GRIN2B: variants seen among roughly 807,000 people sequenced by gnomAD.
GRIN2B encodes the protein glutamate ionotropic receptor NMDA type subunit 2B.
In GRIN2B, 5 loss-of-function variants were observed where a neutral mutation model predicts 114.5. That is an observed-to-expected ratio of 0.04 (90% confidence interval 0.02 to 0.09). The LOEUF (loss-of-function observed/expected upper bound fraction) is 0.09. Among genes scored for constraint, GRIN2B ranks in the 10% least tolerant of loss-of-function variants. GRIN2B has a pLI of 1.00. For missense variants in GRIN2B, 1,108 were observed against 1,943.5 expected (o/e 0.57, Z 8.08); for synonymous variants, 787 against 745.1 (o/e 1.06, Z -0.92).
chr12:13,941,886 G>T (rs971648416), intron 2 of GRIN2B, among the ~76,000 whole-genome samples: 1 of 152,200 alleles, frequency 6.6e-6, no homozygotes, highest in African/African-American at 2.4e-5. Context: ...GCTGGCTCCC[G>T]CAGCGCAGTG....
intron 3 of GRIN2B, among the ~76,000 whole-genome samples, chr12:13,809,759 A>G (rs1864691452): frequency 6.6e-6 from 1 of 152,232 alleles, no homozygotes; most frequent in African/African-American, 2.4e-5. Context: ...GGATAAACCT[A>G]TCTGAATTGG....
intron 4 of GRIN2B, among the ~76,000 whole-genome samples, chr12:13,679,651 T>C (rs529625661): frequency 6.6e-6 from 1 of 152,320 alleles, no homozygotes; most frequent in African/African-American, 2.4e-5. Flanking sequence ...CACACTGTGT[T>C]TTCATGAGTA....
At chr12:13,710,478 C>T (rs1386771979) in intron 4 of GRIN2B, among the ~76,000 whole-genome samples, 1 of 152,092 alleles carries the variant, frequency 6.6e-6, no homozygotes, top group African/African-American at 2.4e-5. Context: ...GTCTAGAAAA[C>T]CCCATCGTCT....
At chr12:13,692,154 C>T (rs891527492) in intron 4 of GRIN2B, among the ~76,000 whole-genome samples, 1 of 152,082 alleles carries the variant, frequency 6.6e-6, no homozygotes, top group African/African-American at 2.4e-5. Context: ...CAGCAACTTG[C>T]ACAGAAGGAA....
At chr12:13,575,307 C>T (rs554261069) in intron 10 of GRIN2B, among the ~76,000 whole-genome samples, 24 of 152,270 alleles carry the variant, frequency 1.6e-4, no homozygotes, top group African/African-American at 5.1e-4. Context: ...GCTATTAAAA[C>T]ACTAAAGGAA....
chr12:13,825,241 G>A (rs1429617489), intron 3 of GRIN2B, among the ~76,000 whole-genome samples: 1 of 151,562 alleles, frequency 6.6e-6, no homozygotes, highest in African/African-American at 2.4e-5. Context: ...TCTAGCTATA[G>A]TTCTCTTTAA....
At chr12:13,815,984 A>C (rs1864815928) in intron 3 of GRIN2B, among the ~76,000 whole-genome samples, 1 of 152,186 alleles carries the variant, frequency 6.6e-6, no homozygotes, top group African/African-American at 2.4e-5. Flanking sequence ...CACTCCCTGC[A>C]GTTCCTCAGG....
chr12:13,840,458 T>A (rs1380785285), intron 3 of GRIN2B, among the ~76,000 whole-genome samples: 1 of 152,160 alleles, frequency 6.6e-6, no homozygotes, highest in Non-Finnish European at 1.5e-5. Context: ...TGGCTGCCCC[T>A]CTTACCTGCT....
At chr12:13,946,964 T>C (rs564081413) in intron 2 of GRIN2B, among the ~76,000 whole-genome samples, 9 of 152,224 alleles carry the variant, frequency 5.9e-5, no homozygotes, top group Middle Eastern at 6.8e-3. Flanking sequence ...ATAGTAAAAT[T>C]TGGGTAAGTG....
intron 2 of GRIN2B, among the ~76,000 whole-genome samples, chr12:13,902,794 G>A (rs896828014): frequency 2.0e-5 from 3 of 152,104 alleles, no homozygotes; most frequent in East Asian, 1.9e-4. Flanking sequence ...TGGGCCACAA[G>A]AGCAAGACTC....
rs150969694 is a variant in GRIN2B, at chr12:13,547,077, G to T, written c.*15706C>A. ...GAAAACCATGAAAAATTACTGTCAA[G>T]GGTTTCTTTTAACAGTCTGATAGTT... On this transcript the variant is annotated 3_prime_UTR_variant, in exon 14 of 14. Coordinates refer to ENST00000609686, the MANE Select transcript of GRIN2B (RefSeq NM_000834.5). The T allele has an allele frequency of 1.3e-5, 2 of 152,098 alleles. No homozygotes were observed. The highest frequency in any genetic ancestry group is 4.8e-5 in the African/African-American group (2 of 41,408). The allele number at this position is 152,098 out of a possible 1,614,324, so 9.4% of individuals were successfully genotyped here.
At chr12:13,722,035 T>C (rs951093695) in intron 4 of GRIN2B, among the ~76,000 whole-genome samples, 1 of 152,134 alleles carries the variant, frequency 6.6e-6, no homozygotes, top group African/African-American at 2.4e-5. Context: ...AGACTGACTA[T>C]TGGATTTGGT....
intron 4 of GRIN2B, among the ~76,000 whole-genome samples, chr12:13,712,041 T>G (rs1591690436): frequency 6.6e-6 from 1 of 152,128 alleles, no homozygotes; most frequent in East Asian, 1.9e-4. Context: ...TGGCATACTA[T>G]GCAGCCATAA....
rs540526529 is a variant in GRIN2B, at chr12:13,772,023, A to T, written c.412-18108T>A. 3.9e-5 allele frequency among the ~76,000 whole-genome samples: 6 copies of T among 152,362 alleles called. No homozygotes were observed. The East Asian group carries it at 1.2e-3, about 29-fold the overall frequency. The stretch of plus-strand genomic sequence containing the variant: ...TCATTCACTCAGCTGGATGATTGCT[A>T]TGATTCCTGGCCCAAGAGAAATATC... On this transcript the variant is annotated intron_variant, in intron 3 of 13. Transcript: ENST00000609686.
At position 13,558,383 on chromosome 12, in the gene GRIN2B, T is replaced by C. The variant is rs531953292; in HGVS notation, c.*4400A>G. On this transcript the variant is annotated 3_prime_UTR_variant, in exon 14 of 14. Transcript: ENST00000609686. ...AGAGATGATGATTGAAAGAATAAAG[T>C]GAGTTCTGGAATAGTTTTTCCAAAA... The C allele has an allele frequency of 2.6e-5, 4 of 151,684 alleles. No homozygotes were observed. The East Asian group carries it at 7.8e-4, about 29-fold the overall frequency. The allele number at this position is 151,684 out of a possible 1,614,324, so 9.4% of individuals were successfully genotyped here. A position where few individuals can be genotyped will look rare whatever the true frequency, so the allele number is the denominator to read the frequency against.
At chr12:13,816,087 C>T (rs1864818001) in intron 3 of GRIN2B, among the ~76,000 whole-genome samples, 1 of 152,172 alleles carries the variant, frequency 6.6e-6, no homozygotes, top group African/African-American at 2.4e-5. Flanking sequence ...TCATCTGTGA[C>T]CTTTCATCTG....
At chr12:13,657,650 G>A (rs1236398211) in intron 5 of GRIN2B, among the ~76,000 whole-genome samples, 1 of 152,178 alleles carries the variant, frequency 6.6e-6, no homozygotes, top group Non-Finnish European at 1.5e-5. Context: ...CTATGACCAA[G>A]ATTTGCCCCT....
intron 3 of GRIN2B, among the ~76,000 whole-genome samples, chr12:13,781,231 C>T (rs1864107415): frequency 6.6e-6 from 1 of 152,142 alleles, no homozygotes; most frequent in Admixed American, 6.5e-5. Flanking sequence ...AAGAATCAAA[C>T]TTCAAAAATA....
intron 4 of GRIN2B, among the ~76,000 whole-genome samples, chr12:13,731,382 A>G (rs1863083642): frequency 6.6e-6 from 1 of 152,098 alleles, no homozygotes; most frequent in Non-Finnish European, 1.5e-5. Flanking sequence ...GGTGGATCAT[A>G]AGGTCAGGAG....
Sources: gnomAD v4.1 joint callset for allele counts (sites outside exome capture counted in the v4.1 genomes callset) on GRCh38, gnomAD v4.1.1 for gene constraint, MANE v1.5 for transcripts, NCBI Gene and HGNC (gene_info 2026-07-23, HGNC 2026-07-21) for gene names.